The following TAFA2 variants were observed in gnomAD, a reference collection of about 807,000 sequenced individuals.
TAFA2 encodes TAFA chemokine like family member 2.
In TAFA2, 7 loss-of-function variants were observed where a neutral mutation model predicts 18.8. The ratio of observed to expected loss-of-function variants is 0.37; its 90% CI spans 0.21 to 0.70. The LOEUF (loss-of-function observed/expected upper bound fraction) is 0.70, where lower values mean the gene tolerates loss of function less well. Ranked by LOEUF, TAFA2 falls within the 30% of genes least tolerant of loss-of-function variation. The probability of loss-of-function intolerance (pLI) is 0.53; values close to 1 mark genes in which losing one functional copy is unlikely to be tolerated. For synonymous variants in TAFA2, 60 were observed against 54.2 expected (o/e 1.11, Z -0.47); for missense variants, 122 against 158.1 (o/e 0.77, Z 1.23).
At chr12:61,957,956 G>A (rs1377015939) in intron 1 of TAFA2, among the ~76,000 whole-genome samples, 1 of 152,014 alleles carries the variant, frequency 6.6e-6, no homozygotes, top group African/African-American at 2.4e-5. Flanking sequence ...TGGAGCCATT[G>A]ACACAACCTT....
chr12:61,762,633 T>TTATA (rs55985443), intron 2 of TAFA2, among the ~76,000 whole-genome samples: 35 of 147,624 alleles, frequency 2.4e-4, no homozygotes, highest in Non-Finnish European at 3.1e-4. Context: ...ATTTCATTTT[T>TTATA]TATATATATA....
chr12:62,082,746 A>T (rs1180966577), intron 1 of TAFA2, among the ~76,000 whole-genome samples: 2 of 152,230 alleles, frequency 1.3e-5, no homozygotes, highest in Non-Finnish European at 2.9e-5. Context: ...TGAAATAATA[A>T]CCAGTCACCA....
chr12:62,116,808 C>T (rs1308578831), intron 1 of TAFA2, among the ~76,000 whole-genome samples: 2 of 152,158 alleles, frequency 1.3e-5, no homozygotes, highest in Admixed American at 1.3e-4. Flanking sequence ...AACTCATATG[C>T]TGAAGCCCCA....
chr12:62,183,079 G>T (rs1356652822), intron 1 of TAFA2, among the ~76,000 whole-genome samples: 2 of 152,184 alleles, frequency 1.3e-5, no homozygotes, highest in Admixed American at 1.3e-4. Context: ...ATATACTAAA[G>T]CCTAAATCTC....
intron 1 of TAFA2, among the ~76,000 whole-genome samples, chr12:62,074,499 G>A (rs1333722753): frequency 2.0e-5 from 3 of 152,012 alleles, no homozygotes; most frequent in Non-Finnish European, 4.4e-5. Context: ...TGGAACTTCT[G>A]CAGGAAAACA....
intron 1 of TAFA2, among the ~76,000 whole-genome samples, chr12:62,247,447 T>G (rs1355478992): frequency 5.9e-5 from 9 of 152,240 alleles, no homozygotes; most frequent in African/African-American, 2.2e-4. Context: ...AGTGCAGACA[T>G]CAGCATTTGC....
chr12:62,131,878 G>A (rs962654999), intron 1 of TAFA2, among the ~76,000 whole-genome samples: 3 of 151,550 alleles, frequency 2.0e-5, no homozygotes, highest in African/African-American at 7.3e-5. Flanking sequence ...TCCTTTCATT[G>A]TTTCTATGAT....
intron 1 of TAFA2, among the ~76,000 whole-genome samples, chr12:61,997,358 G>A (rs544758731): frequency 1.5e-4 from 23 of 152,180 alleles, no homozygotes; most frequent in African/African-American, 4.3e-4. Flanking sequence ...GAAATAATCC[G>A]AGGCAAAGGG....
At chr12:61,964,484 A>C (rs929091074) in intron 1 of TAFA2, among the ~76,000 whole-genome samples, 1 of 151,732 alleles carries the variant, frequency 6.6e-6, no homozygotes, top group African/African-American at 2.4e-5. Flanking sequence ...ACCTATACTT[A>C]ATGTTCCAAG....
intron 1 of TAFA2, among the ~76,000 whole-genome samples, chr12:62,244,612 A>C (rs1385514516): frequency 6.6e-6 from 1 of 152,194 alleles, no homozygotes; most frequent in Non-Finnish European, 1.5e-5. Context: ...TTGCTGAGGC[A>C]TGAGGTTGAA....
At chr12:61,754,267 C>A (rs574067832) in intron 3 of TAFA2, among the ~76,000 whole-genome samples, 66 of 151,878 alleles carry the variant, frequency 4.3e-4, no homozygotes, top group African/African-American at 1.4e-3. Flanking sequence ...GCTATAACCT[C>A]ATCACAAGCA....
chr12:62,216,440 TA>T (rs2062736299), intron 1 of TAFA2, among the ~76,000 whole-genome samples: 2 of 152,200 alleles, frequency 1.3e-5, no homozygotes, highest in South Asian at 4.1e-4. Flanking sequence ...ATGACACCTT[TA>T]AAAACCTACA....
intron 1 of TAFA2, among the ~76,000 whole-genome samples, chr12:62,183,632 A>G (rs1317332431): frequency 6.6e-6 from 1 of 152,128 alleles, no homozygotes; most frequent in Non-Finnish European, 1.5e-5. Flanking sequence ...TGATCCACCT[A>G]CTTCGGCCTC....
chr12:62,119,185 C>G (rs1446767816), intron 1 of TAFA2, among the ~76,000 whole-genome samples: 2 of 151,948 alleles, frequency 1.3e-5, no homozygotes, highest in Admixed American at 1.3e-4. Context: ...AGGCATTGAT[C>G]TGTAGTTACT....
intron 1 of TAFA2, among the ~76,000 whole-genome samples, chr12:61,982,301 C>G (rs1357997834): frequency 6.6e-6 from 1 of 151,942 alleles, no homozygotes; most frequent in African/African-American, 2.4e-5. Context: ...GGGTGGGGGT[C>G]TGGGGGAGAG....
At chr12:61,766,080 C>T (rs572909751) in intron 2 of TAFA2, among the ~76,000 whole-genome samples, 3 of 152,078 alleles carry the variant, frequency 2.0e-5, no homozygotes, top group Non-Finnish European at 4.4e-5. Flanking sequence ...TTAGCTTAGG[C>T]ATCCTTAACA....
chr12:62,037,859 C>T (rs572331805), intron 1 of TAFA2, among the ~76,000 whole-genome samples: 1 of 152,268 alleles, frequency 6.6e-6, no homozygotes, highest in South Asian at 2.1e-4. Flanking sequence ...AAATCAAAAT[C>T]TCTTTGGAGG....
intron 1 of TAFA2, among the ~76,000 whole-genome samples, chr12:62,229,706 T>A (rs1302177211): frequency 6.6e-6 from 1 of 152,132 alleles, no homozygotes; most frequent in East Asian, 1.9e-4. Flanking sequence ...AGTTTTAATG[T>A]CAAGGTAATT....
intron 1 of TAFA2, among the ~76,000 whole-genome samples, chr12:62,153,499 CA>C (rs1295356558): frequency 6.6e-6 from 1 of 151,548 alleles, no homozygotes; most frequent in Non-Finnish European, 1.5e-5. Flanking sequence ...CCCATCTCTA[CA>C]AAAAAAATTA....
Sources: allele counts gnomAD v4.1 joint callset (sites outside exome capture counted in the v4.1 genomes callset), GRCh38; gene constraint gnomAD v4.1.1; transcripts MANE v1.5; gene names NCBI Gene and HGNC (gene_info 2026-07-23, HGNC 2026-07-21).